The following SH3GLB2 variants were observed in gnomAD, a reference collection of about 807,000 sequenced individuals.
The protein encoded by SH3GLB2 is endophilin-B2.
Under a neutral mutation model 48.0 loss-of-function variants are expected in SH3GLB2, and 24 were observed. The observed-to-expected ratio is 0.50, with a 90% CI of 0.36 to 0.70. The LOEUF (loss-of-function observed/expected upper bound fraction) is 0.70, where lower values mean the gene tolerates loss of function less well. SH3GLB2 is among the 30% of genes least tolerant of loss of function. The pLI is 0.00. For missense variants in SH3GLB2, 425 were observed against 516.0 expected, an observed-to-expected ratio of 0.82 and a Z score of 1.71; for synonymous variants, 227 against 207.6, an observed-to-expected ratio of 1.09 and a Z score of -0.80.
At position 129,028,130 on chromosome 9, in the gene SH3GLB2, C is replaced by G; in HGVS notation, c.25G>C (p.Ala9Pro). 6.7e-7 allele frequency: 1 copy of G among 1,496,402 alleles called. No individual in the cohort carries two copies. The highest frequency in any genetic ancestry group is 8.9e-7 in the Non-Finnish European group (1 of 1,125,418). 92.7% of individuals were successfully genotyped at this position (1,496,402 alleles called of 1,614,324 possible). A position where few individuals can be genotyped will look rare whatever the true frequency, so the allele number is the denominator to read the frequency against. ...GTGAAGAAGATGCCCGCGTCCGACGCCAGCTTCTTCATGTTGAAGTCCATG... is the reference window on the plus strand; with the variant it reads ...GTGAAGAAGATGCCCGCGTCCGACGGCAGCTTCTTCATGTTGAAGTCCATG... MDFNMKKL[A>P]SDAGIFFTRA... Residue 9 changes from alanine (A) to proline (P), a missense_variant, in exon 1 of 11, where the codon GCG becomes CCG. Ala to Pro is a conservative substitution (Grantham distance 27). Coordinates refer to ENST00000372564, the MANE Select transcript of SH3GLB2 (RefSeq NM_020145.4).
Position 129,014,515 on chromosome 9 carries a change from G to A in SH3GLB2, c.469-12C>T, listed in dbSNP as rs941054208. ...AGCCGCCTCTCCTTCTACAGGGCAGGGCATGGGGACAGTGAGACCCTGGGC... is the reference window on the plus strand; with the variant it reads ...AGCCGCCTCTCCTTCTACAGGGCAGAGCATGGGGACAGTGAGACCCTGGGC... On this transcript the variant is annotated splice_polypyrimidine_tract_variant and intron_variant, in intron 4 of 10. Transcript: ENST00000372564. The surrounding 1 kb of genome is among the most constrained non-coding windows in gnomAD (Gnocchi z 4.1). 6.4e-7 allele frequency: 1 copy of A among 1,551,544 alleles called. No homozygotes were observed. Among genetic ancestry groups the A allele is most frequent in the Admixed American group, 2.0e-5 (1 of 51,012 alleles).
At chr9:129,017,010 C>T (rs1412258690) in intron 3 of SH3GLB2, among the ~76,000 whole-genome samples, 9 of 146,804 alleles carry the variant, frequency 6.1e-5, no homozygotes, top group East Asian at 2.0e-4. Flanking sequence ...TGCAGTGGCG[C>T]GCTCTTGGCT....
At position 129,009,859 on chromosome 9, in the gene SH3GLB2, GC is replaced by G; in HGVS notation, c.750del (p.Arg251AlafsTer46). ...GACTTGACGAACTCGTGGAGGCAGC[GC>G]AGGTGGTTCACCTGCGGGGAAGAGG... is the stretch of plus-strand genomic sequence containing the variant. Reference protein sequence around the residue: ...EGISSTHVNHLRCLHEFVKSQ... With the variant: ...EGISSTHVNHXRCLHEFVKSQ... On this transcript the variant is annotated frameshift_variant, in exon 9 of 11. Transcript: ENST00000372564. LOFTEE classifies it high-confidence loss of function. 6.2e-7 allele frequency: 1 copy of G among 1,613,690 alleles called. No homozygotes were observed. The highest frequency in any genetic ancestry group is 2.2e-5 in the East Asian group (1 of 44,862).
chr9:129,012,191 GGA>G (rs774533474), intron 6 of SH3GLB2, 43 bp downstream of exon 6: 141 of 1,177,462 alleles, frequency 1.2e-4, no homozygotes, highest in Non-Finnish European at 1.5e-4. Context: ...TGGGACGTGG[GGA>G]GAGAGGAGGA....
chr9:129,019,009 G>A (rs567423872), intron 3 of SH3GLB2, among the ~76,000 whole-genome samples: 63 of 151,972 alleles, frequency 4.1e-4, no homozygotes, highest in African/African-American at 1.4e-3. Flanking sequence ...CCGAAAACAC[G>A]TTAGTGGTTG....
chr9:129,010,332 G>T, intron 7 of SH3GLB2, 123 bp from the exon 8 acceptor site: 2 of 807,036 alleles, frequency 2.5e-6, no homozygotes, highest in Non-Finnish European at 4.0e-6. Context: ...GAGCCTTCTG[G>T]GTCTATGCCT....
intron 3 of SH3GLB2, among the ~76,000 whole-genome samples, chr9:129,017,193 A>C (rs1360560550): frequency 6.6e-6 from 1 of 151,324 alleles, no homozygotes; most frequent in African/African-American, 2.4e-5. Context: ...CAGGTGATCC[A>C]ACCACTTTGA....
rs930268459 is a variant in SH3GLB2 at position 129,025,947 on chromosome 9, A to C, written c.63+2145T>G. ...CTACCACTACTATTACTGTTACTGCAATTACTACTAATAGTATTAGTACTA... is the reference window on the plus strand; with the variant it reads ...CTACCACTACTATTACTGTTACTGCCATTACTACTAATAGTATTAGTACTA... On this transcript the variant is annotated intron_variant, in intron 1 of 10. Transcript: ENST00000372564. Among the ~76,000 whole-genome samples the C allele has an allele frequency of 2.6e-5, 4 of 152,086 alleles. No individual in the cohort carries two copies. The East Asian group carries it at 7.7e-4, about 29-fold the overall frequency.
rs1317307284 is a variant in SH3GLB2 at position 129,028,054 on chromosome 9, TC to T, written c.63+37del. On this transcript the variant is annotated intron_variant, in intron 1 of 10. Coordinates refer to ENST00000372564, the MANE Select transcript of SH3GLB2 (RefSeq NM_020145.4). ...CAGGGTGCTCCCCGCCCGCCGCACA[TC>T]CGGGCCCCCGGCGCACGGCGCGACG... 6 of 1,491,068 alleles carry T rather than the reference TC, an allele frequency of 4.0e-6. No individual in the cohort carries two copies. In the African/African-American group the frequency reaches 5.9e-5, roughly 15 times the overall value. The allele number at this position is 1,491,068 out of a possible 1,614,324, so 92.4% of individuals were successfully genotyped here. A position where few individuals can be genotyped will look rare whatever the true frequency, so the allele number is the denominator to read the frequency against.
Position 129,008,833 on chromosome 9 carries a change from G to A in SH3GLB2, c.1081-42C>T, listed in dbSNP as rs1433133500. ...AGAGGACGGTCATGGCCTGGCCAAG[G>A]GTGGAACTGGCCCCAGGACTAAGTG... On this transcript the variant is annotated intron_variant, in intron 10 of 10. Coordinates refer to ENST00000372564, the MANE Select transcript of SH3GLB2 (RefSeq NM_020145.4). 5.7e-6 allele frequency: 9 copies of A among 1,570,924 alleles called. No homozygotes were observed. In the South Asian group the frequency reaches 1.0e-4, roughly 18 times the overall value.
At position 129,011,327 on chromosome 9, in the gene SH3GLB2, A is replaced by C. The variant is rs568730510; in HGVS notation, c.625-634T>G. 6.6e-6 allele frequency: 1 copy of C among 152,496 alleles called. No homozygotes were observed. The highest frequency in any genetic ancestry group is 1.9e-4 in the East Asian group (1 of 5,172). 9.4% of individuals were successfully genotyped at this position (152,496 alleles called of 1,614,324 possible). A position where few individuals can be genotyped will look rare whatever the true frequency, so the allele number is the denominator to read the frequency against. On this transcript the variant is annotated intron_variant, in intron 6 of 10. Coordinates refer to ENST00000372564, the MANE Select transcript of SH3GLB2 (RefSeq NM_020145.4). The surrounding 1 kb of genome is among the most constrained non-coding windows in gnomAD (Gnocchi z 4.5). Reference sequence around the variant, plus strand: ...GAAATAGGGAATGCGGACCCAGGCCAGTGTGCGTGGCCGGCCCGTGTGGCC... The same window carrying C: ...GAAATAGGGAATGCGGACCCAGGCCCGTGTGCGTGGCCGGCCCGTGTGGCC...
At chr9:129,027,488 G>T (rs894519002) in intron 1 of SH3GLB2, among the ~76,000 whole-genome samples, 27 of 152,106 alleles carry the variant, frequency 1.8e-4, no homozygotes, top group African/African-American at 6.5e-4. Flanking sequence ...TCTCAGCATC[G>T]TGGGCCTGGA....
rs1306485404 is a variant in SH3GLB2, at chr9:129,021,232, A to G, written c.206-13T>C. 6.3e-7 allele frequency: 1 copy of G among 1,594,074 alleles called. No homozygotes were observed. The highest frequency in any genetic ancestry group is 1.1e-5 in the South Asian group (1 of 88,664). On this transcript the variant is annotated splice_polypyrimidine_tract_variant and intron_variant, in intron 2 of 10. Transcript: ENST00000372564. The stretch of plus-strand genomic sequence containing the variant: ...TCCACTCGGGCACCTGTGGGGAGAC[A>G]GCAGCCAAAGCCACAGGGCTCCTTA...
intron 1 of SH3GLB2, among the ~76,000 whole-genome samples, chr9:129,024,507 G>A (rs1844020209): frequency 6.7e-6 from 1 of 149,524 alleles, no homozygotes; most frequent in South Asian, 2.1e-4. Flanking sequence ...CTTGCAATGA[G>A]CATCGCCCCA....
rs1436797427 is a variant in SH3GLB2 at position 129,011,634 on chromosome 9, AAC to A, written c.624+600_624+601del. ...GACTTCCCAAGAAAGCCTAAAAACCAACAGACACCATGACATGCGAAGCCTCC... is the reference window on the plus strand; with the variant it reads ...GACTTCCCAAGAAAGCCTAAAAACCAAGACACCATGACATGCGAAGCCTCC... On this transcript the variant is annotated intron_variant, in intron 6 of 10. Coordinates refer to ENST00000372564, the MANE Select transcript of SH3GLB2 (RefSeq NM_020145.4). The surrounding 1 kb of genome is among the most constrained non-coding windows in gnomAD (Gnocchi z 4.5). The A allele has an allele frequency of 2.0e-5, 3 of 152,928 alleles. No homozygotes were observed. The highest frequency in any genetic ancestry group is 4.8e-5 in the African/African-American group (2 of 41,416). 9.5% of individuals were successfully genotyped at this position (152,928 alleles called of 1,614,324 possible).
intron 5 of SH3GLB2, chr9:129,012,538 G>C: frequency 2.4e-6 from 1 of 421,242 alleles, no homozygotes; most frequent in Non-Finnish European, 4.2e-6. Context: ...GAGCTCAGGA[G>C]AGCAAATGCG....
In SH3GLB2 at chr9:129,007,237, TC is replaced by T. The variant is rs1842832021; in HGVS notation, c.*1446del. On this transcript the variant is annotated 3_prime_UTR_variant, in exon 11 of 11. Transcript: ENST00000372564. ...CTGATGGATGGCTAGTTCACCAGCATCTCCTCATTCCTGTCCTTGGGCTGAG... is the reference window on the plus strand; with the variant it reads ...CTGATGGATGGCTAGTTCACCAGCATTCCTCATTCCTGTCCTTGGGCTGAG... 1 of 152,120 alleles carries T rather than the reference TC, an allele frequency of 6.6e-6. No homozygotes were observed. Among genetic ancestry groups the T allele is most frequent in the Non-Finnish European group, 1.5e-5 (1 of 68,084 alleles). The allele number at this position is 152,120 out of a possible 1,614,324, so 9.4% of individuals were successfully genotyped here. A position where few individuals can be genotyped will look rare whatever the true frequency, so the allele number is the denominator to read the frequency against.
chr9:129,014,972 G>A lies in SH3GLB2; in HGVS notation c.335-68C>T. The stretch of plus-strand genomic sequence containing the variant: ...AGGCTACTCTGATCTACAGGAGAGG[G>A]CTCAGGAAGAGCTTGCTGAAGAGCA... On this transcript the variant is annotated intron_variant, in intron 3 of 10. Transcript: ENST00000372564. The surrounding 1 kb of genome is among the most constrained non-coding windows in gnomAD (Gnocchi z 4.1). The A allele has an allele frequency of 1.3e-6, 2 of 1,555,928 alleles. No homozygotes were observed. Among genetic ancestry groups the A allele is most frequent in the East Asian group, 2.3e-5 (1 of 44,422 alleles).
Position 129,012,306 on chromosome 9 carries a change from G to A in SH3GLB2, c.562-8C>T, listed in dbSNP as rs776915482. 1 of 1,297,042 alleles carries A rather than the reference G, an allele frequency of 7.7e-7. No individual in the cohort carries two copies. Among genetic ancestry groups the A allele is most frequent in the Non-Finnish European group, 9.8e-7 (1 of 1,015,432 alleles). The allele number at this position is 1,297,042 out of a possible 1,614,324, so 80.3% of individuals were successfully genotyped here. A position where few individuals can be genotyped will look rare whatever the true frequency, so the allele number is the denominator to read the frequency against. ...CTGAAAGTCAGGCACCGTCTGGCGG[G>A]GAACAGAGTTCATGTGGGGAGGGGG... On this transcript the variant is annotated splice_polypyrimidine_tract_variant and splice_region_variant and intron_variant, in intron 5 of 10. Transcript: ENST00000372564.
Sources: gnomAD v4.1 joint callset for allele counts (sites outside exome capture counted in the v4.1 genomes callset) on GRCh38, gnomAD v4.1.1 for gene constraint, Gnocchi (gnomAD v3.1) non-coding constraint, MANE v1.5 for transcripts, NCBI Gene and HGNC (gene_info 2026-07-23, HGNC 2026-07-21) for gene names.